Variants in PCDH15 observed in about 807,000 individuals in gnomAD.
PCDH15 encodes protocadherin-15.
In PCDH15, 129 loss-of-function variants were observed where a neutral mutation model predicts 178.5. The observed-to-expected ratio is 0.72, with a 90% CI of 0.63 to 0.84. PCDH15 has a LOEUF of 0.84. PCDH15 is among the 40% of genes least tolerant of loss of function. PCDH15 has a pLI of 0.00. For missense variants in PCDH15, 2,230 were observed against 2,099.9 expected, an observed-to-expected ratio of 1.06 and a Z score of -1.21; for synonymous variants, 800 against 732.0, an observed-to-expected ratio of 1.09 and a Z score of -1.50.
intron 1 of PCDH15, among the ~76,000 whole-genome samples, chr10:55,264,785 A>T (rs1484392022): frequency 6.6e-6 from 1 of 152,118 alleles, no homozygotes; most frequent in African/African-American, 2.4e-5. Flanking sequence ...TACAGCAAGG[A>T]ATTGCTTGGC....
intron 2 of PCDH15, among the ~76,000 whole-genome samples, chr10:55,366,919 T>TTGCG: frequency 9.5e-6 from 1 of 105,518 alleles, no homozygotes; most frequent in Non-Finnish European, 2.0e-5. Context: ...TTTCATTTGT[T>TTGCG]TGCGTGTGTG....
chr10:54,345,430 CTTAT>C (rs573179252), intron 6 of PCDH15, among the ~76,000 whole-genome samples: 6 of 151,984 alleles, frequency 3.9e-5, no homozygotes, highest in Admixed American at 3.3e-4. Context: ...AATTTGAAAG[CTTAT>C]TTAAGTAGTG....
At chr10:55,257,643 T>C (rs536369713) in intron 1 of PCDH15, among the ~76,000 whole-genome samples, 2 of 152,068 alleles carry the variant, frequency 1.3e-5, no homozygotes, top group Admixed American at 1.3e-4. Context: ...ATCAAATGAA[T>C]GAAATGAAGT....
intron 16 of PCDH15, 22 bp downstream of exon 16, chr10:54,089,962 T>C (rs1478563414): frequency 5.7e-6 from 9 of 1,567,754 alleles, no homozygotes; most frequent in Non-Finnish European, 7.0e-6. Flanking sequence ...TTTTTTAAAG[T>C]AGGAAATCAT....
chr10:54,088,939 T>C (rs2094556328), intron 16 of PCDH15, among the ~76,000 whole-genome samples: 1 of 149,828 alleles, frequency 6.7e-6, no homozygotes, highest in South Asian at 2.1e-4. Context: ...GTTTTTAACA[T>C]TTTTATTTTC....
chr10:54,603,195 G>C (rs537024589), intron 2 of PCDH15, among the ~76,000 whole-genome samples: 10 of 151,788 alleles, frequency 6.6e-5, no homozygotes, highest in Non-Finnish European at 1.5e-4. Flanking sequence ...TCCCTTAAGG[G>C]CTCTTTTTAT....
At chr10:55,547,280 T>A (rs935639405) in intron 2 of PCDH15, among the ~76,000 whole-genome samples, 3 of 152,134 alleles carry the variant, frequency 2.0e-5, no homozygotes, top group Admixed American at 2.0e-4. Context: ...ATGCACAAGT[T>A]CAGAGTGTGG....
chr10:54,785,465 G>A (rs1433762371), intron 1 of PCDH15, among the ~76,000 whole-genome samples: 1 of 151,974 alleles, frequency 6.6e-6, no homozygotes, highest in African/African-American at 2.4e-5. Context: ...GACTATTTAA[G>A]AAACAACCCA....
At chr10:54,221,291 G>A (rs2052779220) in intron 9 of PCDH15, among the ~76,000 whole-genome samples, 1 of 152,008 alleles carries the variant, frequency 6.6e-6, no homozygotes, top group African/African-American at 2.4e-5. Context: ...GTATTATAGA[G>A]GAAATGGCAA....
intron 5 of PCDH15, 49 bp downstream of exon 5, chr10:54,369,071 G>C: frequency 1.9e-6 from 3 of 1,576,214 alleles, no homozygotes; most frequent in Non-Finnish European, 2.6e-6. Context: ...TATATAGTTA[G>C]ATACATATAT....
chr10:55,264,547 A>C (rs531252232), intron 1 of PCDH15, among the ~76,000 whole-genome samples: 1 of 152,176 alleles, frequency 6.6e-6, no homozygotes, highest in Non-Finnish European at 1.5e-5. Flanking sequence ...GATAGGGAGG[A>C]CGCTTGCTTT....
At chr10:54,838,990 G>A (rs1158284899) in intron 3 of PCDH15, among the ~76,000 whole-genome samples, 3 of 152,130 alleles carry the variant, frequency 2.0e-5, no homozygotes, top group Non-Finnish European at 2.9e-5. Context: ...ACTCAACTGG[G>A]ATTGTAGAGG....
intron 2 of PCDH15, among the ~76,000 whole-genome samples, chr10:54,552,217 C>T (rs1044697518): frequency 2.6e-5 from 4 of 152,154 alleles, no homozygotes; most frequent in Admixed American, 1.3e-4. Context: ...GTACTCTCCT[C>T]TGATTCTATA....
chr10:54,456,110 G>A (rs35153336), intron 3 of PCDH15, among the ~76,000 whole-genome samples: 17,151 of 152,078 alleles, frequency 0.11, 1,085 homozygotes, highest in East Asian at 0.29. Context: ...TGGGGTTGGA[G>A]CCCCACACAG....
intron 2 of PCDH15, among the ~76,000 whole-genome samples, chr10:55,331,711 A>G (rs1265071112): frequency 2.6e-5 from 4 of 152,116 alleles, no homozygotes; most frequent in African/African-American, 9.7e-5. Context: ...TGCTACTCAC[A>G]AATGGTCTGA....
At chr10:54,930,238 T>G (rs1598177) in intron 2 of PCDH15, among the ~76,000 whole-genome samples, 20,492 of 152,216 alleles carry the variant, frequency 0.13, 1,574 homozygotes, top group East Asian at 0.23. Context: ...GGTTCTTCAC[T>G]CACTGTGTAA....
intron 1 of PCDH15, among the ~76,000 whole-genome samples, chr10:54,682,191 T>C (rs933651404): frequency 6.6e-6 from 1 of 152,186 alleles, no homozygotes; most frequent in Non-Finnish European, 1.5e-5. Flanking sequence ...ATTTTTATTT[T>C]TTTTATGTTT....
intron 1 of PCDH15, chr10:55,248,015 C>T (rs1480014116): frequency 1.5e-5 from 2 of 134,192 alleles, no homozygotes; most frequent in Admixed American, 1.5e-4. Context: ...ACTACAGAAA[C>T]TCATTTGTTT....
chr10:55,582,622 ATATATATTTT>A (rs1158264695), intron 2 of PCDH15, among the ~76,000 whole-genome samples: 5 of 74,276 alleles, frequency 6.7e-5, no homozygotes, highest in African/African-American at 3.1e-4. Context: ...ATATATATAT[ATATATATTTT>A]TTTTTTTTTG....
Sources: allele counts gnomAD v4.1 joint callset (sites outside exome capture counted in the v4.1 genomes callset), GRCh38; gene constraint gnomAD v4.1.1; transcripts MANE v1.5; gene names NCBI Gene and HGNC (gene_info 2026-07-23, HGNC 2026-07-21).